The following FUT8 variants were observed in gnomAD, a reference collection of about 807,000 sequenced individuals.
FUT8 encodes the protein fucosyltransferase 8, also known as alpha-(1,6)-fucosyltransferase.
In FUT8, 29 loss-of-function variants were observed where a neutral mutation model predicts 71.3. The ratio of observed to expected loss-of-function variants is 0.41; its 90% CI spans 0.30 to 0.55. The LOEUF (loss-of-function observed/expected upper bound fraction) is 0.55, where lower values mean the gene tolerates loss of function less well. Among genes scored for constraint, FUT8 ranks in the 20% least tolerant of loss-of-function variants. FUT8 has a pLI of 0.34. For missense variants in FUT8, 544 were observed against 702.1 expected, an observed-to-expected ratio of 0.77 and a Z score of 2.55; for synonymous variants, 254 against 239.3, an observed-to-expected ratio of 1.06 and a Z score of -0.57.
At chr14:65,737,941 CAG>C (rs1208089461) in intron 10 of FUT8, among the ~76,000 whole-genome samples, 1 of 152,076 alleles carries the variant, frequency 6.6e-6, no homozygotes, top group Non-Finnish European at 1.5e-5. Flanking sequence ...CTATTCCAGA[CAG>C]ATGGCTCTGG....
At chr14:65,559,598 G>T (rs183113762) in intron 2 of FUT8, among the ~76,000 whole-genome samples, 10 of 149,870 alleles carry the variant, frequency 6.7e-5, no homozygotes, top group Middle Eastern at 3.5e-3. Flanking sequence ...ACATTTTACA[G>T]TGTTGCATAT....
At chr14:65,706,346 A>G (rs1328332181) in intron 7 of FUT8, among the ~76,000 whole-genome samples, 1 of 152,208 alleles carries the variant, frequency 6.6e-6, no homozygotes. Context: ...TTGCCTTAGT[A>G]TATTTTGCTT....
chr14:65,537,280 C>T (rs886923412), intron 2 of FUT8, among the ~76,000 whole-genome samples: 1 of 151,728 alleles, frequency 6.6e-6, no homozygotes, highest in African/African-American at 2.4e-5. Context: ...AGTTAAGAAC[C>T]CTTGCTGGAG....
At chr14:65,538,378 T>C (rs986337016) in intron 2 of FUT8, among the ~76,000 whole-genome samples, 9 of 152,296 alleles carry the variant, frequency 5.9e-5, no homozygotes, top group Admixed American at 5.9e-4. Context: ...GGTTTCCAGC[T>C]TCCTCTCTCT....
chr14:65,620,279 A>G (rs1427940594), intron 5 of FUT8, among the ~76,000 whole-genome samples: 3 of 152,174 alleles, frequency 2.0e-5, no homozygotes, highest in African/African-American at 7.2e-5. Context: ...AACTATTGAA[A>G]AACAATCTGT....
At chr14:65,670,942 A>G (rs924614841) in intron 7 of FUT8, among the ~76,000 whole-genome samples, 1 of 152,192 alleles carries the variant, frequency 6.6e-6, no homozygotes, top group Non-Finnish European at 1.5e-5. Context: ...CTCTTTATCT[A>G]GAACCTAGTT....
At chr14:65,554,432 A>T (rs915671985) in intron 2 of FUT8, among the ~76,000 whole-genome samples, 6 of 79,230 alleles carry the variant, frequency 7.6e-5, no homozygotes, top group African/African-American at 2.3e-4. Flanking sequence ...CTATATATAT[A>T]TTATATATAT....
upstream of FUT8, chr14:65,412,009 G>C (rs899385401): frequency 2.2e-6 from 1 of 456,568 alleles, no homozygotes; most frequent in African/African-American, 2.0e-5. Flanking sequence ...ACGCATCCTA[G>C]GGCAAAGCCT....
chr14:65,476,658 T>A (rs926115455), intron 2 of FUT8, among the ~76,000 whole-genome samples: 1,081 of 19,144 alleles, frequency 0.056, 25 homozygotes, highest in African/African-American at 0.15. Context: ...TTTTTTTTTT[T>A]TTTTTTTTTT....
chr14:65,511,856 C>T (rs1882368374), intron 2 of FUT8, among the ~76,000 whole-genome samples: 1 of 152,080 alleles, frequency 6.6e-6, no homozygotes, highest in Non-Finnish European at 1.5e-5. Context: ...TTCAGCTATC[C>T]CGAGTCTTGT....
chr14:65,385,323 T>C, the FUT8 span, among the ~76,000 whole-genome samples: 6 of 150,758 alleles, frequency 4.0e-5, no homozygotes, highest in African/African-American at 1.5e-4. Context: ...AAAAAAACTT[T>C]TCTTTAATTT....
At chr14:65,699,183 C>CAT (rs1566903888) in intron 7 of FUT8, among the ~76,000 whole-genome samples, 1 of 151,398 alleles carries the variant, frequency 6.6e-6, no homozygotes, top group African/African-American at 2.4e-5. Flanking sequence ...CACACACACA[C>CAT]ACACACACAC....
intron 1 of FUT8, among the ~76,000 whole-genome samples, chr14:65,448,863 G>A (rs1323033535): frequency 3.9e-5 from 6 of 152,078 alleles, no homozygotes; most frequent in African/African-American, 1.4e-4. Flanking sequence ...ATACTGATAC[G>A]ATTTTCCTTT....
rs1176824629 is a variant in FUT8, at chr14:65,611,214, C to T, written c.204-4764C>T. Among the ~76,000 whole-genome samples, 30 of 9,426 alleles carry T rather than the reference C, an allele frequency of 3.2e-3. 2 individuals carry two copies. The highest frequency in any genetic ancestry group is 7.1e-3 in the East Asian group (4 of 560). The allele number at this position is 9,426 out of a possible 152,430, so 6.2% of individuals were successfully genotyped here. A position where few individuals can be genotyped will look rare whatever the true frequency, so the allele number is the denominator to read the frequency against. ...ACACACACACGCGCGCGCGCGCGCG[C>T]GCGCGCGCGCACACACACACACACA... On this transcript the variant is annotated intron_variant, in intron 3 of 10. Coordinates refer to ENST00000673929, the MANE Select transcript of FUT8 (RefSeq NM_001371533.1).
At chr14:65,559,749 A>G (rs1314964075) in intron 2 of FUT8, among the ~76,000 whole-genome samples, 2 of 151,854 alleles carry the variant, frequency 1.3e-5, no homozygotes, top group Admixed American at 1.3e-4. Flanking sequence ...GGATTTCTGT[A>G]TTTTTTTTAC....
intron 7 of FUT8, among the ~76,000 whole-genome samples, chr14:65,675,143 T>A (rs979477989): frequency 1.3e-5 from 2 of 152,214 alleles, no homozygotes; most frequent in Admixed American, 1.3e-4. Context: ...AAGTCTATGG[T>A]ATCTCATTAA....
At chr14:65,689,817 A>G (rs777404068) in intron 7 of FUT8, among the ~76,000 whole-genome samples, 1 of 151,938 alleles carries the variant, frequency 6.6e-6, no homozygotes, top group Middle Eastern at 3.2e-3. Context: ...GATTACAGGC[A>G]TGAGCCACAG....
intron 3 of FUT8, among the ~76,000 whole-genome samples, chr14:65,581,748 G>A (rs2140114181): frequency 6.6e-6 from 1 of 151,980 alleles, no homozygotes; most frequent in East Asian, 1.9e-4. Flanking sequence ...ACGTGAGTTT[G>A]TATATTTTAT....
chr14:65,408,470 T>G (rs1595332289), upstream of FUT8, among the ~76,000 whole-genome samples: 4 of 152,342 alleles, frequency 2.6e-5, no homozygotes, highest in Admixed American at 2.6e-4. Flanking sequence ...GTAAGCATGA[T>G]AAATCTCCTA....
Sources: gnomAD v4.1 joint callset for allele counts (sites outside exome capture counted in the v4.1 genomes callset) on GRCh38, gnomAD v4.1.1 for gene constraint, MANE v1.5 for transcripts, NCBI Gene and HGNC (gene_info 2026-07-23, HGNC 2026-07-21) for gene names.